PCLO: variants seen among roughly 807,000 people sequenced by gnomAD.
PCLO encodes piccolo presynaptic cytomatrix protein, also known as protein piccolo.
Under a neutral mutation model 427.5 loss-of-function variants are expected in PCLO, and 82 were observed. The observed-to-expected ratio is 0.19, with a 90% CI of 0.16 to 0.23. The LOEUF (loss-of-function observed/expected upper bound fraction) is 0.23. Ranked by LOEUF, PCLO falls within the 10% of genes least tolerant of loss-of-function variation. The probability of loss-of-function intolerance (pLI) is 1.00; values close to 1 mark genes in which losing one functional copy is unlikely to be tolerated. For synonymous variants in PCLO, 2,357 were observed against 2,155.4 expected, an observed-to-expected ratio of 1.09 and a Z score of -2.59; for missense variants, 6,239 against 6,115.9, an observed-to-expected ratio of 1.02 and a Z score of -0.67.
Position 82,951,947 on chromosome 7 carries a change from A to T in PCLO, c.9006T>A (p.Ala3002=). The T allele has an allele frequency of 6.2e-7, 1 of 1,613,956 alleles. No homozygotes were observed. Among genetic ancestry groups the T allele is most frequent in the Non-Finnish European group, 8.5e-7 (1 of 1,179,854 alleles). ...PSMSDTNLAE[A]GHFFYKSKNA... is the part of the protein sequence containing the mutation. Reference sequence around the variant, plus strand: ...TCTTACTTTTATAGAAAAAATGTCCAGCTTCTGCTAAATTTGTGTCAGACA... The same window carrying T: ...TCTTACTTTTATAGAAAAAATGTCCTGCTTCTGCTAAATTTGTGTCAGACA... Residue 3002 remains alanine (A), a synonymous_variant, in exon 5 of 25, where the codon GCT becomes GCA. Transcript: ENST00000333891.
intron 16 of PCLO, among the ~76,000 whole-genome samples, chr7:82,829,977 G>T (rs1416119408): frequency 6.6e-6 from 1 of 151,634 alleles, no homozygotes; most frequent in Admixed American, 6.6e-5. Context: ...ATATGGTATG[G>T]TATAATGGTA....
rs541388768 is a variant in PCLO at position 83,099,048 on chromosome 7, AT to A, written c.3300+35201del. Among the ~76,000 whole-genome samples, 296 of 152,114 alleles carry A rather than the reference AT, an allele frequency of 1.9e-3. 1 individual carries two copies. The highest frequency in any genetic ancestry group is 6.7e-3 in the African/African-American group (279 of 41,484). ...TACATCTGTAGGGTTAGGCTGGCAAATTTGATAACTTGAATAGCTTACAAAA... is the reference window on the plus strand; with the variant it reads ...TACATCTGTAGGGTTAGGCTGGCAAATTGATAACTTGAATAGCTTACAAAA... On this transcript the variant is annotated intron_variant, in intron 3 of 24. Transcript: ENST00000333891.
At position 82,950,899 on chromosome 7, in the gene PCLO, C is replaced by T. The variant is rs370188023; in HGVS notation, c.9689G>A (p.Arg3230His). The T allele has an allele frequency of 5.2e-5, 84 of 1,613,282 alleles. No individual in the cohort carries two copies. In the South Asian group the frequency reaches 5.4e-4, roughly 10 times the overall value. ...TTCCCACTCCAATTCCTCAGCAAAG[C>T]GCTGTTGCTTAATTTTCTCCAGTTC... ...LLELEKIKQQ[R>H]FAEELEWERQ... The change falls in exon 6 of 25, where the codon CGC becomes CAC. Residue 3230 changes from arginine (R) to histidine (H), a missense_variant. Physicochemically the swap from Arg to His is conservative, Grantham distance 29. Coordinates refer to ENST00000333891, the MANE Select transcript of PCLO (RefSeq NM_033026.6).
At chr7:82,838,868 A>T (rs2257207) in intron 14 of PCLO, among the ~76,000 whole-genome samples, 56,287 of 151,800 alleles carry the variant, frequency 0.37, 12,049 homozygotes, top group East Asian at 0.69. Context: ...ATATTATCTG[A>T]TATTAAACCT....
At chr7:83,158,012 G>A (rs1375902384) in intron 1 of PCLO, among the ~76,000 whole-genome samples, 1 of 152,058 alleles carries the variant, frequency 6.6e-6, no homozygotes, top group African/African-American at 2.4e-5. Context: ...AGGTCAGGAT[G>A]TAAGAGATAG....
chr7:83,026,058 A>T (rs1284835903), intron 3 of PCLO, among the ~76,000 whole-genome samples: 1 of 152,112 alleles, frequency 6.6e-6, no homozygotes, highest in Non-Finnish European at 1.5e-5. Flanking sequence ...AACGAGCAAA[A>T]TCACCAGCTA....
intron 22 of PCLO, among the ~76,000 whole-genome samples, chr7:82,787,270 A>G (rs1295781979): frequency 1.3e-5 from 2 of 151,778 alleles, no homozygotes; most frequent in African/African-American, 4.8e-5. Context: ...CTTTTTAATG[A>G]TAGCCATTCT....
chr7:83,104,180 G>GAAAA (rs1790799792), intron 3 of PCLO, among the ~76,000 whole-genome samples: 2 of 104,310 alleles, frequency 1.9e-5, no homozygotes, highest in African/African-American at 7.2e-5. Flanking sequence ...GAAAAATAAA[G>GAAAA]ACTTTAAATA....
intron 4 of PCLO, among the ~76,000 whole-genome samples, chr7:82,959,113 C>A (rs1268900968): frequency 6.6e-6 from 1 of 152,158 alleles, no homozygotes; most frequent in Non-Finnish European, 1.5e-5. Flanking sequence ...GTCACCCAGG[C>A]TGAAGTGCAG....
chr7:82,871,559 G>A (rs1793239031), intron 10 of PCLO, among the ~76,000 whole-genome samples: 2 of 151,762 alleles, frequency 1.3e-5, no homozygotes, highest in South Asian at 2.1e-4. Flanking sequence ...ACTATAGTTA[G>A]CAATAATTTA....
intron 3 of PCLO, among the ~76,000 whole-genome samples, chr7:83,018,345 T>C (rs764418970): frequency 2.5e-4 from 38 of 151,956 alleles, no homozygotes; most frequent in Non-Finnish European, 4.9e-4. Flanking sequence ...AAAATAAATA[T>C]GTTGTATTAA....
chr7:83,024,610 C>G (rs1209549716), intron 3 of PCLO, among the ~76,000 whole-genome samples: 1 of 152,176 alleles, frequency 6.6e-6, no homozygotes, highest in Non-Finnish European at 1.5e-5. Flanking sequence ...CACCACAGCT[C>G]AAGGAGGCCT....
intron 6 of PCLO, among the ~76,000 whole-genome samples, chr7:82,924,731 C>T (rs1375724985): frequency 6.6e-6 from 1 of 151,844 alleles, no homozygotes; most frequent in Non-Finnish European, 1.5e-5. Flanking sequence ...ATACCAGAAT[C>T]ACTAAAGGAG....
At chr7:82,985,809 A>G (rs7778005) in intron 3 of PCLO, among the ~76,000 whole-genome samples, 114,079 of 151,702 alleles carry the variant, frequency 0.75, 43,471 homozygotes, top group East Asian at 0.92. Context: ...GTATGTCCAC[A>G]ACATGTAATT....
intron 3 of PCLO, among the ~76,000 whole-genome samples, chr7:83,034,813 A>C (rs1219039569): frequency 2.0e-5 from 3 of 152,184 alleles, no homozygotes; most frequent in African/African-American, 7.2e-5. Context: ...AAACTTGTTC[A>C]TTGATTCTAT....
intron 3 of PCLO, among the ~76,000 whole-genome samples, chr7:83,002,958 T>C (rs1787859223): frequency 6.6e-6 from 1 of 151,712 alleles, no homozygotes; most frequent in African/African-American, 2.4e-5. Context: ...GTACTGCAAA[T>C]GTTTTTTCAT....
intron 22 of PCLO, among the ~76,000 whole-genome samples, chr7:82,800,788 G>T (rs1177837270): frequency 6.6e-6 from 1 of 151,884 alleles, no homozygotes; most frequent in African/African-American, 2.4e-5. Context: ...TAGAGATGGG[G>T]TTTCGCCATG....
At chr7:82,941,134 CT>C (rs1296728165) in intron 6 of PCLO, among the ~76,000 whole-genome samples, 1 of 150,924 alleles carries the variant, frequency 6.6e-6, no homozygotes, top group Non-Finnish European at 1.5e-5. Context: ...GCAACTTGTT[CT>C]TTAGGTGAAA....
At chr7:83,158,220 A>C (rs1792347917) in intron 1 of PCLO, among the ~76,000 whole-genome samples, 1 of 152,086 alleles carries the variant, frequency 6.6e-6, no homozygotes, top group Non-Finnish European at 1.5e-5. Flanking sequence ...GCTTTACTTA[A>C]ACAGAACTAA....
Sources: allele counts gnomAD v4.1 joint callset (sites outside exome capture counted in the v4.1 genomes callset), GRCh38; gene constraint gnomAD v4.1.1; transcripts MANE v1.5; gene names NCBI Gene and HGNC (gene_info 2026-07-23, HGNC 2026-07-21).